SCAPER: variants seen among roughly 807,000 people sequenced by gnomAD.
SCAPER encodes S phase cyclin A-associated protein in the endoplasmic reticulum.
Under a neutral mutation model 182.2 loss-of-function variants are expected in SCAPER, and 98 were observed. The ratio of observed to expected loss-of-function variants is 0.54; its 90% CI spans 0.46 to 0.64. The LOEUF is 0.64. Ranked by LOEUF, SCAPER falls within the 30% of genes least tolerant of loss-of-function variation. The pLI, the probability that SCAPER is intolerant of heterozygous loss-of-function variation, is 0.00. For synonymous variants in SCAPER, 605 were observed against 564.6 expected (o/e 1.07, Z -1.01); for missense variants, 1,432 against 1,690.0 (o/e 0.85, Z 2.68).
At chr15:76,614,642 A>G (rs2051293892) in intron 22 of SCAPER, among the ~76,000 whole-genome samples, 1 of 152,232 alleles carries the variant, frequency 6.6e-6, no homozygotes, top group Non-Finnish European at 1.5e-5. Flanking sequence ...AGCACAACAT[A>G]TCAAAATGCA....
intron 17 of SCAPER, among the ~76,000 whole-genome samples, chr15:76,717,889 G>C (rs1416842262): frequency 6.6e-6 from 1 of 152,066 alleles, no homozygotes; most frequent in Non-Finnish European, 1.5e-5. Flanking sequence ...ATAAACTAGA[G>C]AGAAAATAAA....
rs1238075638 is a variant in SCAPER at position 76,598,773 on chromosome 15, A to C, written c.2711+22991T>G. On this transcript the variant is annotated intron_variant, in intron 22 of 31. Transcript: ENST00000563290. ...CAATGAGAACACGTGGACACAGGGA[A>C]GGAAACATCACACACCGGGGCCTGT... is the stretch of plus-strand genomic sequence containing the variant. 5.3e-4 allele frequency among the ~76,000 whole-genome samples: 64 copies of C among 119,956 alleles called. 9 individuals are homozygous for C. The highest frequency in any genetic ancestry group is 1.6e-3 in the African/African-American group (62 of 39,494). The allele number at this position is 119,956 out of a possible 152,430, so 78.7% of individuals were successfully genotyped here.
At chr15:76,452,027 TTCTC>T (rs931503438) in intron 25 of SCAPER, among the ~76,000 whole-genome samples, 5 of 152,216 alleles carry the variant, frequency 3.3e-5, no homozygotes, top group African/African-American at 1.2e-4. Flanking sequence ...AACCTCCCTC[TTCTC>T]TCTGTCTCAT....
At chr15:76,460,858 G>C (rs2049117042) in intron 25 of SCAPER, among the ~76,000 whole-genome samples, 1 of 151,976 alleles carries the variant, frequency 6.6e-6, no homozygotes, top group South Asian at 2.1e-4. Context: ...GCTTCTCTTA[G>C]CTTTCCTTAA....
intron 21 of SCAPER, among the ~76,000 whole-genome samples, chr15:76,631,711 C>A (rs1000986475): frequency 6.6e-6 from 1 of 151,946 alleles, no homozygotes; most frequent in Non-Finnish European, 1.5e-5. Flanking sequence ...TCTGGCTGCC[C>A]TTAACATATT....
At chr15:76,637,453 C>G (rs2146324537) in intron 21 of SCAPER, among the ~76,000 whole-genome samples, 1 of 151,994 alleles carries the variant, frequency 6.6e-6, no homozygotes, top group Non-Finnish European at 1.5e-5. Context: ...GGCTCACCAC[C>G]TGTAACACTT....
intron 14 of SCAPER, among the ~76,000 whole-genome samples, chr15:76,760,959 T>C (rs946044153): frequency 2.4e-4 from 36 of 152,230 alleles, no homozygotes; most frequent in African/African-American, 7.0e-4. Context: ...ATATGTTTCA[T>C]AGAATTGATC....
At chr15:76,661,498 C>T (rs956347642) in intron 21 of SCAPER, among the ~76,000 whole-genome samples, 5 of 151,942 alleles carry the variant, frequency 3.3e-5, no homozygotes, top group African/African-American at 1.2e-4. Context: ...TAAAAACAAC[C>T]TCATCAAAAA....
chr15:76,548,023 A>G (rs1157415555), intron 23 of SCAPER, among the ~76,000 whole-genome samples: 2 of 152,164 alleles, frequency 1.3e-5, no homozygotes, highest in African/African-American at 2.4e-5. Flanking sequence ...TTATCAAACT[A>G]TGAGCATCCT....
intron 25 of SCAPER, among the ~76,000 whole-genome samples, chr15:76,437,578 C>T (rs1008612637): frequency 6.6e-6 from 1 of 152,214 alleles, no homozygotes; most frequent in African/African-American, 2.4e-5. Flanking sequence ...TAATACACTT[C>T]TAGGTAATGT....
chr15:76,608,160 G>T (rs1044645930), intron 22 of SCAPER, among the ~76,000 whole-genome samples: 2 of 151,954 alleles, frequency 1.3e-5, no homozygotes, highest in Non-Finnish European at 2.9e-5. Flanking sequence ...ATCTACCTTT[G>T]GTCTTTGATG....
At chr15:76,558,486 A>T (rs1164641973) in intron 23 of SCAPER, among the ~76,000 whole-genome samples, 1 of 152,228 alleles carries the variant, frequency 6.6e-6, no homozygotes, top group South Asian at 2.1e-4. Context: ...ACCATCTCAT[A>T]CAAGTCAGAA....
intron 22 of SCAPER, among the ~76,000 whole-genome samples, chr15:76,606,127 A>G (rs1007799729): frequency 1.3e-5 from 2 of 152,134 alleles, no homozygotes; most frequent in South Asian, 2.1e-4. Context: ...TGTCAATTTT[A>G]GATCTTTCCT....
chr15:76,673,275 C>CTG (rs747252848), intron 20 of SCAPER, among the ~76,000 whole-genome samples: 32 of 151,956 alleles, frequency 2.1e-4, no homozygotes, highest in Non-Finnish European at 4.0e-4. Context: ...CTGGTGAACA[C>CTG]TGCATACATA....
At chr15:76,608,681 C>T (rs1020966146) in intron 22 of SCAPER, among the ~76,000 whole-genome samples, 1 of 152,198 alleles carries the variant, frequency 6.6e-6, no homozygotes, top group Admixed American at 6.5e-5. Context: ...TCGAGATTCC[C>T]GGCCGCTTTG....
intron 23 of SCAPER, among the ~76,000 whole-genome samples, chr15:76,543,912 T>C (rs1392574314): frequency 1.3e-5 from 2 of 152,082 alleles, no homozygotes; most frequent in African/African-American, 2.4e-5. Context: ...ACCCAGACAA[T>C]GGGAGGACAT....
intron 1 of SCAPER, among the ~76,000 whole-genome samples, chr15:76,896,442 T>C (rs962093822): frequency 6.6e-6 from 1 of 152,066 alleles, no homozygotes; most frequent in Non-Finnish European, 1.5e-5. Context: ...ACCTATACAC[T>C]GAAAACCATA....
intron 15 of SCAPER, among the ~76,000 whole-genome samples, chr15:76,737,768 G>A (rs558878674): frequency 4.6e-5 from 7 of 152,284 alleles, no homozygotes; most frequent in South Asian, 4.1e-4. Context: ...CAGCTTCTAC[G>A]TCAGCACTTA....
chr15:76,524,151 C>A (rs867647288), intron 23 of SCAPER, among the ~76,000 whole-genome samples: 1 of 152,042 alleles, frequency 6.6e-6, no homozygotes, highest in Non-Finnish European at 1.5e-5. Flanking sequence ...CAGTAAAATA[C>A]TGTAAAATGC....
Sources: allele counts gnomAD v4.1 joint callset (sites outside exome capture counted in the v4.1 genomes callset), GRCh38; gene constraint gnomAD v4.1.1; transcripts MANE v1.5; gene names NCBI Gene and HGNC (gene_info 2026-07-23, HGNC 2026-07-21).